The following OR1C1 variants were observed in gnomAD, a reference collection of about 807,000 sequenced individuals.
OR1C1 encodes the protein olfactory receptor 1C1.
For missense variants in OR1C1, 407 were observed against 384.3 expected (o/e 1.06, Z -0.49); for synonymous variants, 153 against 154.6 (o/e 0.99, Z 0.08).
Position 247,758,050 on chromosome 1 carries a change from C to A in OR1C1, c.357G>T (p.Ala119=), listed in dbSNP as rs1552813. Residue 119 remains alanine (A), a synonymous_variant, in exon 2 of 2, where the codon GCG becomes GCT. Transcript: ENST00000641256. ...GGCAAATCGCCACATATCTATCATA[C>A]GCCATCACACACAGAAGGAGGCTGT... ...NMDSLLLCVM[A]YDRYVAICHP... The A allele has an allele frequency of 2.5e-6, 4 of 1,613,880 alleles. No homozygotes were observed. Among genetic ancestry groups the A allele is most frequent in the Non-Finnish European group, 3.4e-6 (4 of 1,180,008 alleles).
rs781378178 is a variant in OR1C1 at position 247,757,576 on chromosome 1, C to T, written c.831G>A (p.Met277Ile). The T allele has an allele frequency of 3.1e-6, 5 of 1,613,776 alleles. No individual in the cohort carries two copies. Among genetic ancestry groups the T allele is most frequent in the African/African-American group, 2.7e-5 (2 of 74,892 alleles). The change falls in exon 2 of 2, where the codon ATG (methionine) becomes ATA (isoleucine). Residue 277 changes from methionine (M) to isoleucine (I), a missense_variant. Transcript: ENST00000641256. The stretch of plus-strand genomic sequence containing the variant: ...TCAGCATCGGAGCCACCATTGAATA[C>T]ATGATGGTTGACAGAGTGTCGCTCT... ...MPESDTLSTI[M>I]YSMVAPMLNP...
Position 247,758,288 on chromosome 1 carries a change from A to G in OR1C1, c.119T>C (p.Leu40Ser), listed in dbSNP as rs749488644. Residue 40 changes from leucine to serine, a missense_variant, in exon 2 of 2, where the codon TTG becomes TCG. By Grantham distance (145) the Leu-to-Ser change is moderately radical. Transcript: ENST00000641256. ...LFLCMYLATT[L>S]GNMLIIATIG... ...CGTCGCAATGATGAGCATGTTCCCC[A>G]AGGTGGTGGCTAAATACATACAGAG... is the stretch of plus-strand genomic sequence containing the variant. 8 of 1,613,884 alleles carry G rather than the reference A, an allele frequency of 5.0e-6. No individual in the cohort carries two copies. In the South Asian group the frequency reaches 8.8e-5, roughly 18 times the overall value.
rs1558317975 is a variant in OR1C1 at position 247,758,091 on chromosome 1, A to AAACG, written c.312_315dup (p.Ser106ArgfsTer17). ...AGGAGGCTGTCCATATTCACAAAAGAAACGAAGAAGAAGAGCTGGGTGAGG... is the reference window on the plus strand; with the variant it reads ...AGGAGGCTGTCCATATTCACAAAAGAAACGAACGAAGAAGAAGAGCTGGGTGAGG... On this transcript the variant is annotated frameshift_variant, in exon 2 of 2. Coordinates refer to ENST00000641256, the MANE Select transcript of OR1C1 (RefSeq NM_012353.3). LOFTEE classifies it low-confidence loss of function (END_TRUNC). 15 of 1,614,152 alleles carry AAACG rather than the reference A, an allele frequency of 9.3e-6. No homozygotes were observed. Among genetic ancestry groups the AAACG allele is most frequent in the Non-Finnish European group, 8.5e-7 (1 of 1,180,024 alleles).
rs1300188856 is a variant in OR1C1, at chr1:247,757,413, C to T, written c.*49G>A. On this transcript the variant is annotated 3_prime_UTR_variant, in exon 2 of 2. Transcript: ENST00000641256. ...CACTGTTATTGTGAGCATCTAGTCA[C>T]ACTTTCTTATCACCACATTAGTATT... 1 of 1,407,682 alleles carries T rather than the reference C, an allele frequency of 7.1e-7. No homozygotes were observed. Among genetic ancestry groups the T allele is most frequent in the Admixed American group, 1.8e-5 (1 of 55,032 alleles). The allele number at this position is 1,407,682 out of a possible 1,614,324, so 87.2% of individuals were successfully genotyped here. A position where few individuals can be genotyped will look rare whatever the true frequency, so the allele number is the denominator to read the frequency against.
At position 247,756,156 on chromosome 1, in the gene OR1C1, A is replaced by G. The variant is rs1661207352; in HGVS notation, c.*1306T>C. The G allele has an allele frequency of 6.6e-6, 1 of 152,210 alleles. No individual in the cohort carries two copies. The highest frequency in any genetic ancestry group is 2.4e-5 in the African/African-American group (1 of 41,454). 9.4% of individuals were successfully genotyped at this position (152,210 alleles called of 1,614,324 possible). On this transcript the variant is annotated 3_prime_UTR_variant, in exon 2 of 2. Coordinates refer to ENST00000641256, the MANE Select transcript of OR1C1 (RefSeq NM_012353.3). This position sits in a 1 kb window ranked among gnomAD's most constrained non-coding sequence, Gnocchi z 4.3. The stretch of plus-strand genomic sequence containing the variant: ...AAACTGTTATTTTAGATTCAGGGGT[A>G]CATGTGCAGATTTGCACAGGTAAAT...
In OR1C1 at chr1:247,757,345, T is replaced by G; in HGVS notation, c.*117A>C. 1 of 743,934 alleles carries G rather than the reference T, an allele frequency of 1.3e-6. No individual in the cohort carries two copies. The highest frequency in any genetic ancestry group is 2.2e-6 in the Non-Finnish European group (1 of 447,060). 46.1% of individuals were successfully genotyped at this position (743,934 alleles called of 1,614,324 possible). A position where few individuals can be genotyped will look rare whatever the true frequency, so the allele number is the denominator to read the frequency against. On this transcript the variant is annotated 3_prime_UTR_variant, in exon 2 of 2. Coordinates refer to ENST00000641256, the MANE Select transcript of OR1C1 (RefSeq NM_012353.3). The stretch of plus-strand genomic sequence containing the variant: ...TTCATATAAAGTGCTTAACACGATT[T>G]CCAGCATAAGGGAGACATTTAATAG...
chr1:247,758,258 C>T lies in OR1C1; in HGVS notation c.149G>A (p.Gly50Asp), dbSNP rs763731253. Residue 50 changes from glycine (G) to aspartate (D), a missense_variant, in exon 2 of 2, where the codon GGC (glycine) becomes GAC (aspartate). Coordinates refer to ENST00000641256, the MANE Select transcript of OR1C1 (RefSeq NM_012353.3). ...LGNMLIIATI[G>D]FDSHLHSPMY... is the part of the protein sequence containing the mutation. ...AGGGGAATGGAGGTGAGAGTCAAAGCCAATCGTCGCAATGATGAGCATGTT... is the reference window on the plus strand; with the variant it reads ...AGGGGAATGGAGGTGAGAGTCAAAGTCAATCGTCGCAATGATGAGCATGTT... The T allele has an allele frequency of 6.2e-7, 1 of 1,613,900 alleles. No individual in the cohort carries two copies. The highest frequency in any genetic ancestry group is 8.5e-7 in the Non-Finnish European group (1 of 1,179,976).
Position 247,757,054 on chromosome 1 carries a change from T to C in OR1C1, c.*408A>G, listed in dbSNP as rs1371114733. 1 of 160,042 alleles carries C rather than the reference T, an allele frequency of 6.2e-6. No homozygotes were observed. The highest frequency in any genetic ancestry group is 1.8e-4 in the East Asian group (1 of 5,534). The allele number at this position is 160,042 out of a possible 1,614,324, so 9.9% of individuals were successfully genotyped here. A position where few individuals can be genotyped will look rare whatever the true frequency, so the allele number is the denominator to read the frequency against. On this transcript the variant is annotated 3_prime_UTR_variant, in exon 2 of 2. Transcript: ENST00000641256. ...ACTATTTAAAATGTGTTCTACCACA[T>C]TGTCGAATTAACATTAGAATTTATG...
intron 1 of OR1C1, 94 bp from the exon 2 acceptor site, chr1:247,758,513 T>TGC (rs1252005650): frequency 1.5e-6 from 1 of 686,888 alleles, no homozygotes; most frequent in African/African-American, 1.8e-5. Context: ...TGTGTGTGTG[T>TGC]GTGTGCATGC....
Position 247,755,371 on chromosome 1 carries a change from C to G in OR1C1, c.*2091G>C, listed in dbSNP as rs1661193022. ...AACAACCAACAGAATGAAGAGATGA[C>G]CTACAAAATGGGAGAAAATATTTGC... is the stretch of plus-strand genomic sequence containing the variant. On this transcript the variant is annotated 3_prime_UTR_variant, in exon 2 of 2. Coordinates refer to ENST00000641256, the MANE Select transcript of OR1C1 (RefSeq NM_012353.3). 6.6e-6 allele frequency: 1 copy of G among 151,962 alleles called. No individual in the cohort carries two copies. The highest frequency in any genetic ancestry group is 6.6e-5 in the Admixed American group (1 of 15,240). The allele number at this position is 151,962 out of a possible 1,614,324, so 9.4% of individuals were successfully genotyped here.
chr1:247,757,561 A>C lies in OR1C1; in HGVS notation c.846T>G (p.Ala282=), dbSNP rs749930247. 1 of 1,614,024 alleles carries C rather than the reference A, an allele frequency of 6.2e-7. No homozygotes were observed. Among genetic ancestry groups the C allele is most frequent in the Non-Finnish European group, 8.5e-7 (1 of 1,179,990 alleles). ...TLSTIMYSMV[A]PMLNPFIYTL... Reference sequence around the variant, plus strand: ...TATAGATGAAAGGATTCAGCATCGGAGCCACCATTGAATACATGATGGTTG... The same window carrying C: ...TATAGATGAAAGGATTCAGCATCGGCGCCACCATTGAATACATGATGGTTG... Residue 282 remains alanine, a synonymous_variant, in exon 2 of 2, where the codon GCT becomes GCG. Coordinates refer to ENST00000641256, the MANE Select transcript of OR1C1 (RefSeq NM_012353.3).
chr1:247,759,007 G>T (rs1001165001), intron 1 of OR1C1, among the ~76,000 whole-genome samples: 1 of 152,090 alleles, frequency 6.6e-6, no homozygotes, highest in African/African-American at 2.4e-5. Context: ...GACTTGTGTA[G>T]TAAGTCATTG....
intron 1 of OR1C1, among the ~76,000 whole-genome samples, chr1:247,759,596 G>A (rs891083239): frequency 6.6e-6 from 1 of 152,064 alleles, no homozygotes; most frequent in African/African-American, 2.4e-5. Flanking sequence ...TGATTTGTAT[G>A]ACAAGGATCC....
Position 247,757,081 on chromosome 1 carries a change from C to T in OR1C1, c.*381G>A, listed in dbSNP as rs1013228554. ...GTCGAATTAACATTAGAATTTATGC[C>T]CCTTTAATTCTAAATCTGAACTCAC... On this transcript the variant is annotated 3_prime_UTR_variant, in exon 2 of 2. Transcript: ENST00000641256. The T allele has an allele frequency of 4.3e-5, 7 of 163,064 alleles. No homozygotes were observed. Among genetic ancestry groups the T allele is most frequent in the African/African-American group, 1.4e-4 (6 of 41,660 alleles). 10.1% of individuals were successfully genotyped at this position (163,064 alleles called of 1,614,324 possible).
rs372819870 is a variant in OR1C1, at chr1:247,758,267, G to C, written c.140C>G (p.Ala47Gly). Reference protein sequence around the residue: ...ATTLGNMLIIATIGFDSHLHS... With the variant: ...ATTLGNMLIIGTIGFDSHLHS... ...GAGGTGAGAGTCAAAGCCAATCGTC[G>C]CAATGATGAGCATGTTCCCCAAGGT... The change falls in exon 2 of 2, where the codon GCG becomes GGG. Residue 47 changes from alanine to glycine, a missense_variant. Physicochemically the swap from Ala to Gly is moderately conservative, Grantham distance 60. Coordinates refer to ENST00000641256, the MANE Select transcript of OR1C1 (RefSeq NM_012353.3). The C allele has an allele frequency of 4.3e-6, 7 of 1,613,912 alleles. No individual in the cohort carries two copies. The South Asian group carries it at 5.5e-5, about 13-fold the overall frequency.
rs939953849 is a variant in OR1C1, at chr1:247,755,111, A to G, written c.*2351T>C. 2 of 152,176 alleles carry G rather than the reference A, an allele frequency of 1.3e-5. No individual in the cohort carries two copies. Among genetic ancestry groups the G allele is most frequent in the African/African-American group, 4.8e-5 (2 of 41,452 alleles). The allele number at this position is 152,176 out of a possible 1,614,324, so 9.4% of individuals were successfully genotyped here. ...GGTTTTAGAACAACTGAATATCCATATGGAGATGAATGGAATTGGACCCTT... is the reference window on the plus strand; with the variant it reads ...GGTTTTAGAACAACTGAATATCCATGTGGAGATGAATGGAATTGGACCCTT... On this transcript the variant is annotated 3_prime_UTR_variant, in exon 2 of 2. Coordinates refer to ENST00000641256, the MANE Select transcript of OR1C1 (RefSeq NM_012353.3).
rs768420317 is a variant in OR1C1, at chr1:247,758,301, A to C, written c.106T>G (p.Leu36Val). Residue 36 changes from leucine (L) to valine (V), a missense_variant, in exon 2 of 2, where the codon TTA (leucine) becomes GTA (valine). Transcript: ENST00000641256. ...AGCATGTTCCCCAAGGTGGTGGCTAAATACATACAGAGAAAGAGCACAGAC... is the reference window on the plus strand; with the variant it reads ...AGCATGTTCCCCAAGGTGGTGGCTACATACATACAGAGAAAGAGCACAGAC... Reference protein sequence around the residue: ...LLSVLFLCMYLATTLGNMLII... With the variant: ...LLSVLFLCMYVATTLGNMLII... The C allele has an allele frequency of 1.1e-5, 17 of 1,613,828 alleles. No individual in the cohort carries two copies. The highest frequency in any genetic ancestry group is 2.2e-5 in the East Asian group (1 of 44,874).
rs748468589 is a variant in OR1C1 at position 247,758,231 on chromosome 1, A to C, written c.176T>G (p.Met59Arg). ...IGFDSHLHSPMYFFLSNLAFV... is the reference protein window; with the variant it reads ...IGFDSHLHSPRYFFLSNLAFV... ...GGCCAAGTTACTAAGGAAGAAGTAC[A>C]TAGGGGAATGGAGGTGAGAGTCAAA... Residue 59 changes from methionine (M) to arginine (R), a missense_variant, in exon 2 of 2, where the codon ATG (methionine) becomes AGG (arginine). Coordinates refer to ENST00000641256, the MANE Select transcript of OR1C1 (RefSeq NM_012353.3). 1 of 1,614,084 alleles carries C rather than the reference A, an allele frequency of 6.2e-7. No homozygotes were observed. The highest frequency in any genetic ancestry group is 1.1e-5 in the South Asian group (1 of 91,072).
chr1:247,759,444 A>G (rs1025944067), intron 1 of OR1C1, among the ~76,000 whole-genome samples: 1 of 152,150 alleles, frequency 6.6e-6, no homozygotes, highest in Non-Finnish European at 1.5e-5. Flanking sequence ...TCAAACCTAT[A>G]TTATTTCAGT....
Sources: allele counts gnomAD v4.1 joint callset (sites outside exome capture counted in the v4.1 genomes callset), GRCh38; gene constraint gnomAD v4.1.1; non-coding constraint Gnocchi (gnomAD v3.1); transcripts MANE v1.5; gene names NCBI Gene and HGNC (gene_info 2026-07-23, HGNC 2026-07-21).